ELF2: variants seen among roughly 807,000 people sequenced by gnomAD.
ELF2 encodes ETS-related transcription factor Elf-2.
A neutral mutation model predicts 54.8 loss-of-function variants in ELF2; 11 were observed. That is an observed-to-expected ratio of 0.20 (90% CI 0.13 to 0.33). The LOEUF (loss-of-function observed/expected upper bound fraction) is 0.33, where lower values mean the gene tolerates loss of function less well. ELF2 is among the 10% of genes least tolerant of loss of function. The pLI is 1.00. For missense variants in ELF2, 513 were observed against 703.0 expected (o/e 0.73, Z 3.06); for synonymous variants, 203 against 245.1 (o/e 0.83, Z 1.61).
At chr4:139,063,647 A>C (rs532959780) in intron 7 of ELF2, among the ~76,000 whole-genome samples, 1 of 152,218 alleles carries the variant, frequency 6.6e-6, no homozygotes, top group Non-Finnish European at 1.5e-5. Flanking sequence ...GTAGATGACA[A>C]GTTAAACAAC....
chr4:139,088,277 C>G (rs7699322), intron 4 of ELF2, among the ~76,000 whole-genome samples: 42,710 of 127,258 alleles, frequency 0.34, 6,384 homozygotes, highest in Middle Eastern at 0.43. Flanking sequence ...CAGAACAAGA[C>G]TCTGTCTAAA....
chr4:139,084,081 A>T (rs1362112064), intron 4 of ELF2: 13 of 1,609,894 alleles, frequency 8.1e-6, no homozygotes, highest in Non-Finnish European at 1.0e-5. Context: ...CCTTCTGTGC[A>T]CCCCCTCTCC....
intron 1 of ELF2, among the ~76,000 whole-genome samples, chr4:139,158,619 T>C (rs1250087463): frequency 1.3e-5 from 2 of 152,092 alleles, no homozygotes; most frequent in Non-Finnish European, 2.9e-5. Flanking sequence ...GAATGATTGG[T>C]GATGGAAACA....
At chr4:139,156,549 C>A (rs930188519) in intron 1 of ELF2, among the ~76,000 whole-genome samples, 1 of 152,198 alleles carries the variant, frequency 6.6e-6, no homozygotes. Context: ...CTTAAATATT[C>A]ACGGCCTTGA....
chr4:139,114,561 T>TC lies in ELF2; in HGVS notation c.238+10602dup, dbSNP rs70940492. ...CTGGCAACAGAGCGAGACTTCAGTC[T>TC]CACACACACACACACACACACACAC... On this transcript the variant is annotated intron_variant, in intron 4 of 9. Coordinates refer to ENST00000686138, the MANE Select transcript of ELF2 (RefSeq NM_001331036.3). Among the ~76,000 whole-genome samples, 132 of 108,644 alleles carry TC rather than the reference T, an allele frequency of 1.2e-3. 1 individual carries two copies. In the East Asian group the frequency reaches 0.022, roughly 18 times the overall value. 71.3% of individuals were successfully genotyped at this position (108,644 alleles called of 152,430 possible). A position where few individuals can be genotyped will look rare whatever the true frequency, so the allele number is the denominator to read the frequency against.
chr4:139,062,466 C>T (rs1007614717), intron 7 of ELF2, among the ~76,000 whole-genome samples: 2 of 152,278 alleles, frequency 1.3e-5, no homozygotes, highest in African/African-American at 2.4e-5. Context: ...CCACTGTGTC[C>T]GGCCTGTTTC....
intron 8 of ELF2, 99 bp downstream of exon 8, chr4:139,061,766 A>T: frequency 1.4e-6 from 2 of 1,392,316 alleles, no homozygotes; most frequent in Non-Finnish European, 1.9e-6. Flanking sequence ...CCCCAAAGTT[A>T]AAAGTTGTAA....
At chr4:139,108,136 G>A (rs1028177536) in intron 4 of ELF2, among the ~76,000 whole-genome samples, 1 of 152,104 alleles carries the variant, frequency 6.6e-6, no homozygotes, top group African/African-American at 2.4e-5. Context: ...AAAAAGAAAT[G>A]ACAAAGTACA....
At chr4:139,161,652 T>TAAAAAAA (rs57452146) in intron 1 of ELF2, among the ~76,000 whole-genome samples, 1 of 70,028 alleles carries the variant, frequency 1.4e-5, no homozygotes, top group African/African-American at 5.5e-5. Flanking sequence ...TAAAACTGTT[T>TAAAAAAA]AAAAAAAAAA....
intron 4 of ELF2, among the ~76,000 whole-genome samples, chr4:139,113,539 TG>T (rs1167844478): frequency 6.7e-6 from 1 of 150,106 alleles, no homozygotes; most frequent in Non-Finnish European, 1.5e-5. Flanking sequence ...CCAGTCTTGG[TG>T]ACAGAGACCC....
rs1247374213 is a variant in ELF2, at chr4:139,058,138, G to A, written c.*845C>T. The A allele has an allele frequency of 6.6e-6, 1 of 152,514 alleles. No individual in the cohort carries two copies. Among genetic ancestry groups the A allele is most frequent in the Admixed American group, 6.6e-5 (1 of 15,266 alleles). The allele number at this position is 152,514 out of a possible 1,614,324, so 9.4% of individuals were successfully genotyped here. On this transcript the variant is annotated 3_prime_UTR_variant, in exon 10 of 10. Transcript: ENST00000686138. Reference sequence around the variant, plus strand: ...GTCTGCACAAATGCCAAGGCTAAGTGAGTGACACAGGCATGTTACAGCAAA... The same window carrying A: ...GTCTGCACAAATGCCAAGGCTAAGTAAGTGACACAGGCATGTTACAGCAAA...
intron 4 of ELF2, among the ~76,000 whole-genome samples, chr4:139,116,299 GA>G (rs919042964): frequency 4.7e-4 from 70 of 149,130 alleles, no homozygotes; most frequent in Non-Finnish European, 6.4e-4. Context: ...ATAATTGGGG[GA>G]AAAAAACACT....
At chr4:139,151,110 A>G (rs1221758122) in intron 1 of ELF2, among the ~76,000 whole-genome samples, 1 of 151,506 alleles carries the variant, frequency 6.6e-6, no homozygotes, top group Admixed American at 6.6e-5. Flanking sequence ...GAGCTATTTA[A>G]TAAATTGTGC....
intron 4 of ELF2, among the ~76,000 whole-genome samples, chr4:139,110,466 G>A (rs760485548): frequency 6.6e-6 from 1 of 152,102 alleles, no homozygotes; most frequent in East Asian, 1.9e-4. Flanking sequence ...TTTCTAATCC[G>A]GAGACTGAAC....
intron 4 of ELF2, among the ~76,000 whole-genome samples, chr4:139,088,628 C>T (rs1384574736): frequency 6.6e-6 from 1 of 152,142 alleles, no homozygotes; most frequent in African/African-American, 2.4e-5. Context: ...TCTACACAAC[C>T]GTTAAATGTG....
intron 1 of ELF2, among the ~76,000 whole-genome samples, chr4:139,169,321 C>A (rs1442636156): frequency 6.8e-6 from 1 of 147,636 alleles, no homozygotes; most frequent in Non-Finnish European, 1.5e-5. Context: ...GCACTCCAAC[C>A]TGGGCTACAG....
At chr4:139,084,457 G>GGCGGCGGCT (rs879763780) in intron 4 of ELF2, 154 of 1,150,694 alleles carry the variant, frequency 1.3e-4, no homozygotes, top group African/African-American at 2.4e-4. Context: ...CGGCGGCGGC[G>GGCGGCGGCT]GCGGCTGTGG....
chr4:139,060,316 T>C lies in ELF2; in HGVS notation c.1157+8A>G. On this transcript the variant is annotated splice_region_variant and intron_variant, in intron 9 of 9. Coordinates refer to ENST00000686138, the MANE Select transcript of ELF2 (RefSeq NM_001331036.3). ...AATACATTGTAACTAATGGTTTGCT[T>C]CACTTACCTTGGAGCTGCTGTTGCT... The C allele has an allele frequency of 1.3e-6, 2 of 1,577,000 alleles. No individual in the cohort carries two copies. Among genetic ancestry groups the C allele is most frequent in the South Asian group, 1.2e-5 (1 of 85,472 alleles).
chr4:139,123,161 C>T (rs1489653366), intron 4 of ELF2, among the ~76,000 whole-genome samples: 2 of 145,384 alleles, frequency 1.4e-5, no homozygotes, highest in South Asian at 2.2e-4. Flanking sequence ...TTCAGCCTGG[C>T]GACAGAGCGA....
Sources: allele counts gnomAD v4.1 joint callset (sites outside exome capture counted in the v4.1 genomes callset), GRCh38; gene constraint gnomAD v4.1.1; transcripts MANE v1.5; gene names NCBI Gene and HGNC (gene_info 2026-07-23, HGNC 2026-07-21).